KHDRBS2: variants seen among roughly 807,000 people sequenced by gnomAD.
KHDRBS2 encodes KH RNA binding domain containing, signal transduction associated 2.
Under a neutral mutation model 44.3 loss-of-function variants are expected in KHDRBS2, and 26 were observed. That is an observed-to-expected ratio of 0.59 (90% CI 0.43 to 0.81). The LOEUF (loss-of-function observed/expected upper bound fraction) is 0.81. Among genes scored for constraint, KHDRBS2 ranks in the 40% least tolerant of loss-of-function variants. The probability of loss-of-function intolerance (pLI) is 0.00; values close to 1 mark genes in which losing one functional copy is unlikely to be tolerated. For missense variants in KHDRBS2, 476 were observed against 433.1 expected (o/e 1.10, Z -0.88); for synonymous variants, 194 against 151.1 (o/e 1.28, Z -2.08).
intron 4 of KHDRBS2, among the ~76,000 whole-genome samples, chr6:61,974,752 G>A (rs1772163211): frequency 6.6e-6 from 1 of 151,606 alleles, no homozygotes; most frequent in Non-Finnish European, 1.5e-5. Context: ...CCAATGTGGT[G>A]AAACCTCATC....
At chr6:62,064,870 G>A (rs545076096) in intron 2 of KHDRBS2, among the ~76,000 whole-genome samples, 16 of 149,616 alleles carry the variant, frequency 1.1e-4, no homozygotes, top group African/African-American at 2.2e-4. Flanking sequence ...GAAAATTTTC[G>A]CAACCTACTC....
chr6:62,286,164 C>T lies in KHDRBS2; in HGVS notation c.-216G>A. 1 of 550,578 alleles carries T rather than the reference C, an allele frequency of 1.8e-6. No homozygotes were observed. Among genetic ancestry groups the T allele is most frequent in the Non-Finnish European group, 3.2e-6 (1 of 315,824 alleles). The allele number at this position is 550,578 out of a possible 1,614,324, so 34.1% of individuals were successfully genotyped here. On this transcript the variant is annotated 5_prime_UTR_variant, in exon 1 of 9. Transcript: ENST00000281156. ...ACACCTGCCCGTCCCTTCCGTCGTCCCTCGCTCGCGCAGAGCCCCGGCTCA... is the reference window on the plus strand; with the variant it reads ...ACACCTGCCCGTCCCTTCCGTCGTCTCTCGCTCGCGCAGAGCCCCGGCTCA...
At chr6:61,695,526 T>TACCACTCC (rs1320075536) in intron 8 of KHDRBS2, among the ~76,000 whole-genome samples, 9 of 152,280 alleles carry the variant, frequency 5.9e-5, no homozygotes, top group Admixed American at 3.9e-4. Context: ...AGAGCCATAA[T>TACCACTCC]AGGTACTCCA....
intron 2 of KHDRBS2, among the ~76,000 whole-genome samples, chr6:62,154,694 A>T (rs1815983137): frequency 6.6e-6 from 1 of 152,228 alleles, no homozygotes; most frequent in African/African-American, 2.4e-5. Context: ...AAATGATAAA[A>T]CAATGAGTAT....
At chr6:61,791,644 T>C (rs1251655626) in intron 6 of KHDRBS2, among the ~76,000 whole-genome samples, 1 of 151,506 alleles carries the variant, frequency 6.6e-6, no homozygotes, top group Non-Finnish European at 1.5e-5. Flanking sequence ...AAGAATGTGA[T>C]TCTGCAGTTG....
the KHDRBS2 span, among the ~76,000 whole-genome samples, chr6:61,561,543 C>A: frequency 6.6e-6 from 1 of 152,124 alleles, no homozygotes; most frequent in South Asian, 2.1e-4. Context: ...TGCAGCTTAG[C>A]TGGTACCCAA....
intron 4 of KHDRBS2, among the ~76,000 whole-genome samples, chr6:61,956,920 T>TCAA (rs1315321840): frequency 1.1e-4 from 17 of 151,486 alleles, no homozygotes; most frequent in Admixed American, 1.1e-3. Flanking sequence ...ATCATCATCA[T>TCAA]CATCATCATC....
the KHDRBS2 span, among the ~76,000 whole-genome samples, chr6:61,561,598 G>A: frequency 9.9e-5 from 15 of 152,084 alleles, no homozygotes; most frequent in Non-Finnish European, 2.1e-4. Flanking sequence ...CCTTTCCACA[G>A]GGAGAGGAGC....
the KHDRBS2 span, among the ~76,000 whole-genome samples, chr6:61,608,019 C>T: frequency 6.6e-6 from 1 of 152,140 alleles, no homozygotes; most frequent in Non-Finnish European, 1.5e-5. Flanking sequence ...CAATGATTTA[C>T]TTCAAAATTG....
the KHDRBS2 span, among the ~76,000 whole-genome samples, chr6:61,665,103 C>T: frequency 1.3e-5 from 2 of 151,428 alleles, no homozygotes; most frequent in East Asian, 2.0e-4. Context: ...GTATGCATTT[C>T]ATAAAGGAGT....
chr6:61,642,911 C>T, the KHDRBS2 span, among the ~76,000 whole-genome samples: 1 of 152,028 alleles, frequency 6.6e-6, no homozygotes, highest in Non-Finnish European at 1.5e-5. Context: ...AAATGTTTTC[C>T]ACCCTGAAAG....
chr6:61,579,111 A>G, the KHDRBS2 span, among the ~76,000 whole-genome samples: 19 of 152,156 alleles, frequency 1.2e-4, no homozygotes, highest in Non-Finnish European at 2.5e-4. Context: ...CAGGATTACC[A>G]GTAGTATAGA....
the KHDRBS2 span, among the ~76,000 whole-genome samples, chr6:61,612,463 C>T: frequency 3.0e-3 from 459 of 152,310 alleles, 4 homozygotes; most frequent in African/African-American, 0.011. Flanking sequence ...GTTATTTAAA[C>T]TCCTCATGTC....
chr6:61,621,273 G>C, the KHDRBS2 span, among the ~76,000 whole-genome samples: 2 of 152,270 alleles, frequency 1.3e-5, no homozygotes, highest in South Asian at 2.1e-4. Flanking sequence ...CCAGTCATTT[G>C]AAATATATAA....
chr6:61,806,649 CCCAAA>C (rs1787216731), intron 6 of KHDRBS2, among the ~76,000 whole-genome samples: 1 of 120,246 alleles, frequency 8.3e-6, no homozygotes, highest in Non-Finnish European at 1.8e-5. Flanking sequence ...TCCCAAATTT[CCCAAA>C]TAGAAATATT....
the KHDRBS2 span, among the ~76,000 whole-genome samples, chr6:61,597,235 A>C: frequency 6.6e-6 from 1 of 152,156 alleles, no homozygotes; most frequent in African/African-American, 2.4e-5. Context: ...TTTAGGTGTA[A>C]ATTTCTTTTA....
intron 7 of KHDRBS2, among the ~76,000 whole-genome samples, chr6:61,727,929 A>T (rs912328808): frequency 6.6e-6 from 1 of 152,152 alleles, no homozygotes; most frequent in Admixed American, 6.6e-5. Flanking sequence ...CTGGGTATGT[A>T]CCCAAAGTAA....
At chr6:61,816,532 G>C (rs1788967732) in intron 6 of KHDRBS2, 2 of 375,634 alleles carry the variant, frequency 5.3e-6, no homozygotes, top group South Asian at 3.8e-5. Context: ...TGTCTTAAAA[G>C]GAGCACGACC....
chr6:62,241,240 A>C (rs983315766), intron 1 of KHDRBS2, among the ~76,000 whole-genome samples: 1 of 152,182 alleles, frequency 6.6e-6, no homozygotes, highest in Non-Finnish European at 1.5e-5. Flanking sequence ...ATGAGGAAAA[A>C]CTATAATGAC....
Sources: allele counts gnomAD v4.1 joint callset (sites outside exome capture counted in the v4.1 genomes callset), GRCh38; gene constraint gnomAD v4.1.1; transcripts MANE v1.5; gene names NCBI Gene and HGNC (gene_info 2026-07-23, HGNC 2026-07-21).